IDE: variants seen among roughly 807,000 people sequenced by gnomAD.
IDE encodes insulin degrading enzyme.
IDE carries 58 observed loss-of-function variants against 133.2 expected under a neutral mutation model. The observed-to-expected ratio is 0.44, with a 90% confidence interval of 0.35 to 0.54. The LOEUF is 0.54. IDE is among the 20% of genes least tolerant of loss of function. The probability of loss-of-function intolerance (pLI) is 0.00; values close to 1 mark genes in which losing one functional copy is unlikely to be tolerated. For synonymous variants in IDE, 396 were observed against 421.3 expected (o/e 0.94, Z 0.73); for missense variants, 981 against 1,234.0 (o/e 0.79, Z 3.07).
rs1341024210 is a variant in IDE, at chr10:92,455,643, C to A, written c.2897G>T (p.Cys966Phe). ...VHVLAREMDSCPVVGEFPCQN... is the reference protein window; with the variant it reads ...VHVLAREMDSFPVVGEFPCQN... ...ACATGGGAACTCTCCAACAACAGGACCTATAAGAAAATAAAAGGTTTAATA... is the reference window on the plus strand; with the variant it reads ...ACATGGGAACTCTCCAACAACAGGAACTATAAGAAAATAAAAGGTTTAATA... Residue 966 changes from cysteine to phenylalanine, a missense_variant and splice_region_variant, in exon 24 of 25, where the codon TGT becomes TTT. Cys to Phe is a radical substitution (Grantham distance 205). Around this residue, in one of 2 missense-constraint regions of IDE, gnomAD observed 660 missense variants for 894.7 expected, o/e 0.74. Coordinates refer to ENST00000265986, the MANE Select transcript of IDE (RefSeq NM_004969.4). The A allele has an allele frequency of 1.3e-6, 2 of 1,569,858 alleles. No individual in the cohort carries two copies. The highest frequency in any genetic ancestry group is 1.8e-6 in the Non-Finnish European group (2 of 1,141,176).
intron 1 of IDE, among the ~76,000 whole-genome samples, chr10:92,557,065 C>T (rs2135787489): frequency 6.6e-6 from 1 of 152,200 alleles, no homozygotes; most frequent in Non-Finnish European, 1.5e-5. Flanking sequence ...TAAAATCCCA[C>T]CTAAGCCTCC....
chr10:92,473,919 T>C (rs1211854632), intron 17 of IDE, among the ~76,000 whole-genome samples: 1 of 151,282 alleles, frequency 6.6e-6, no homozygotes, highest in Non-Finnish European at 1.5e-5. Context: ...GAGGTGGAGG[T>C]TGCAATGAGC....
chr10:92,560,140 G>A (rs1843207678), intron 1 of IDE, among the ~76,000 whole-genome samples: 1 of 152,282 alleles, frequency 6.6e-6, no homozygotes, highest in Admixed American at 6.5e-5. Context: ...AAGATGCTAT[G>A]TTGTTGCCAT....
chr10:92,527,530 T>C (rs1414235776), intron 4 of IDE, among the ~76,000 whole-genome samples: 1 of 152,206 alleles, frequency 6.6e-6, no homozygotes, highest in Non-Finnish European at 1.5e-5. Flanking sequence ...ATTTGGGGCA[T>C]ATTTACATTT....
At chr10:92,498,538 C>G (rs1306742496) in intron 11 of IDE, among the ~76,000 whole-genome samples, 1 of 152,092 alleles carries the variant, frequency 6.6e-6, no homozygotes, top group African/African-American at 2.4e-5. Flanking sequence ...GGTGGATCAC[C>G]TGAGGTCAGG....
At chr10:92,560,044 G>A (rs1589544347) in intron 1 of IDE, among the ~76,000 whole-genome samples, 1 of 152,206 alleles carries the variant, frequency 6.6e-6, no homozygotes, top group Non-Finnish European at 1.5e-5. Context: ...AAGGGAAAGA[G>A]TTAAACTCTA....
intron 1 of IDE, among the ~76,000 whole-genome samples, chr10:92,551,634 T>G (rs933619176): frequency 3.3e-5 from 5 of 149,892 alleles, no homozygotes; most frequent in African/African-American, 1.2e-4. Context: ...ACAACTCCAC[T>G]TATATAAGGT....
intron 6 of IDE, 110 bp downstream of exon 6, chr10:92,509,936 AAAAC>A: frequency 1.8e-6 from 1 of 569,188 alleles, no homozygotes; most frequent in East Asian, 2.9e-5. Context: ...AAAAAAAAAA[AAAAC>A]ACAACATAAA....
At chr10:92,544,038 G>C (rs1357503469) in intron 1 of IDE, among the ~76,000 whole-genome samples, 10 of 152,148 alleles carry the variant, frequency 6.6e-5, no homozygotes, top group African/African-American at 2.4e-4. Context: ...TTTGAGACCA[G>C]CCTGGCCAAC....
At chr10:92,470,125 G>T in intron 18 of IDE, 129 bp downstream of exon 18, 1 of 573,616 alleles carries the variant, frequency 1.7e-6, no homozygotes, top group African/African-American at 1.9e-5. Context: ...CCTCCACAGA[G>T]CAAGAGGGTT....
intron 4 of IDE, among the ~76,000 whole-genome samples, chr10:92,518,071 G>GA (rs199729876): frequency 0.02 from 2,938 of 150,544 alleles, 45 homozygotes; most frequent in Admixed American, 0.053. Flanking sequence ...ACTCCTTAGG[G>GA]AAAAAAAAAG....
chr10:92,479,829 C>G, intron 14 of IDE: 1 of 155,136 alleles, frequency 6.4e-6, no homozygotes, highest in Admixed American at 6.5e-5. Flanking sequence ...TGTCTTCCCT[C>G]TCTCTCCAAT....
At chr10:92,498,778 AG>A (rs1198132735) in intron 11 of IDE, among the ~76,000 whole-genome samples, 4 of 151,980 alleles carry the variant, frequency 2.6e-5, no homozygotes, top group Non-Finnish European at 5.9e-5. Flanking sequence ...AACAAAAATT[AG>A]TCAGGCATGG....
intron 4 of IDE, among the ~76,000 whole-genome samples, chr10:92,517,090 T>C (rs1439871458): frequency 2.0e-5 from 3 of 152,176 alleles, no homozygotes; most frequent in Non-Finnish European, 4.4e-5. Context: ...TAGAGTATGT[T>C]CTTGAAGTGG....
chr10:92,500,691 AATT>A (rs751298103), intron 11 of IDE, among the ~76,000 whole-genome samples: 16 of 151,768 alleles, frequency 1.1e-4, no homozygotes, highest in Non-Finnish European at 2.2e-4. Flanking sequence ...ACCGTGTCTT[AATT>A]ACTGAAGCTT....
At chr10:92,532,236 A>C (rs979267425) in intron 3 of IDE, among the ~76,000 whole-genome samples, 3 of 151,468 alleles carry the variant, frequency 2.0e-5, no homozygotes, top group Non-Finnish European at 4.4e-5. Context: ...TGGTACGTCT[A>C]TAAAAACTTT....
At chr10:92,475,796 CTTTTA>C in intron 16 of IDE, 83 bp downstream of exon 16, 1 of 588,932 alleles carries the variant, frequency 1.7e-6, no homozygotes, top group East Asian at 3.0e-5. Context: ...CTCCTTGCTT[CTTTTA>C]TATTATAAAA....
chr10:92,529,106 CA>C (rs763071280), intron 4 of IDE, among the ~76,000 whole-genome samples: 2 of 151,848 alleles, frequency 1.3e-5, no homozygotes, highest in East Asian at 1.9e-4. Context: ...CAAAACAAAA[CA>C]AAAAATCCCC....
chr10:92,483,740 G>T (rs981130637), intron 13 of IDE, among the ~76,000 whole-genome samples: 1 of 152,184 alleles, frequency 6.6e-6, no homozygotes, highest in Admixed American at 6.5e-5. Flanking sequence ...GAGATTCACA[G>T]CCTTGGGTGG....
Sources: allele counts gnomAD v4.1 joint callset (sites outside exome capture counted in the v4.1 genomes callset), GRCh38; gene constraint gnomAD v4.1.1; regional missense constraint gnomAD v4.1.1; transcripts MANE v1.5; gene names NCBI Gene and HGNC (gene_info 2026-07-23, HGNC 2026-07-21).